Variants in FSTL4 observed in about 807,000 individuals in gnomAD.
The protein encoded by FSTL4 is follistatin-related protein 4.
A neutral mutation model predicts 78.2 loss-of-function variants in FSTL4; 28 were observed. The observed-to-expected ratio is 0.36, with a 90% CI of 0.27 to 0.49. FSTL4 has a LOEUF of 0.49. Ranked by LOEUF, FSTL4 falls within the 20% of genes least tolerant of loss-of-function variation. FSTL4 has a pLI of 0.98. For synonymous variants in FSTL4, 422 were observed against 440.5 expected (o/e 0.96, Z 0.53); for missense variants, 922 against 1,084.9 (o/e 0.85, Z 2.11).
the FSTL4 span, among the ~76,000 whole-genome samples, chr5:133,668,796 G>A: frequency 1.3e-5 from 2 of 152,158 alleles, no homozygotes; most frequent in African/African-American, 4.8e-5. Context: ...GAGATCAGAC[G>A]TCACCAAAAC....
chr5:133,637,952 T>A, the FSTL4 span, among the ~76,000 whole-genome samples: 2 of 115,090 alleles, frequency 1.7e-5, no homozygotes, highest in Admixed American at 9.9e-5. Context: ...AAAATAATAA[T>A]AATTAATAAT....
intron 3 of FSTL4, among the ~76,000 whole-genome samples, chr5:133,520,940 C>T (rs1156765793): frequency 6.6e-6 from 1 of 152,124 alleles, no homozygotes; most frequent in Non-Finnish European, 1.5e-5. Flanking sequence ...CTGCTGCTTC[C>T]TGAAGAAGCA....
chr5:133,316,895 C>G (rs1753918878), intron 4 of FSTL4, among the ~76,000 whole-genome samples: 1 of 152,284 alleles, frequency 6.6e-6, no homozygotes, highest in East Asian at 1.9e-4. Flanking sequence ...ATCTGTCCAT[C>G]TGACAAATAT....
At chr5:133,751,130 G>C in the FSTL4 span, among the ~76,000 whole-genome samples, 2 of 151,902 alleles carry the variant, frequency 1.3e-5, no homozygotes, top group Non-Finnish European at 2.9e-5. Context: ...AGCCCTCAGG[G>C]TTCTCCCCTA....
At chr5:133,251,797 T>C (rs1752250471) in intron 6 of FSTL4, among the ~76,000 whole-genome samples, 3 of 152,234 alleles carry the variant, frequency 2.0e-5, no homozygotes, top group African/African-American at 7.2e-5. Flanking sequence ...GAGAACTGCC[T>C]TGGGCTGCCA....
intron 3 of FSTL4, among the ~76,000 whole-genome samples, chr5:133,512,886 T>G (rs1167298144): frequency 6.6e-6 from 1 of 152,140 alleles, no homozygotes; most frequent in Non-Finnish European, 1.5e-5. Context: ...GGCGTGATCT[T>G]GGCTCACTGC....
the FSTL4 span, among the ~76,000 whole-genome samples, chr5:133,624,241 T>G: frequency 1.1e-4 from 16 of 152,004 alleles, no homozygotes; most frequent in Non-Finnish European, 2.2e-4. Context: ...TTGTGGTATA[T>G]GCATACAATG....
At chr5:133,379,515 C>T (rs1239429432) in intron 4 of FSTL4, among the ~76,000 whole-genome samples, 2 of 151,882 alleles carry the variant, frequency 1.3e-5, no homozygotes, top group African/African-American at 4.8e-5. Flanking sequence ...ATAGAAAGTT[C>T]AATAAATTTA....
chr5:133,290,138 C>T lies in FSTL4; in HGVS notation c.727+22516G>A, dbSNP rs1753225496. ...GTGCAGCACCAGCAGGGTGTGGCCC[C>T]TCGCAAAAGCAGCCTGATGATTAAT... On this transcript the variant is annotated intron_variant, in intron 6 of 15. Coordinates refer to ENST00000265342, the MANE Select transcript of FSTL4 (RefSeq NM_015082.2). 2.0e-5 allele frequency among the ~76,000 whole-genome samples: 3 copies of T among 152,214 alleles called. No homozygotes were observed. The South Asian group carries it at 6.2e-4, about 31-fold the overall frequency.
intron 3 of FSTL4, among the ~76,000 whole-genome samples, chr5:133,402,447 T>G (rs1226188463): frequency 2.0e-5 from 3 of 152,174 alleles, no homozygotes; most frequent in African/African-American, 7.2e-5. Context: ...TGAATACAGA[T>G]TTTTACAGCC....
At chr5:133,510,310 T>C (rs1225123553) in intron 3 of FSTL4, among the ~76,000 whole-genome samples, 1 of 152,180 alleles carries the variant, frequency 6.6e-6, no homozygotes, top group Non-Finnish European at 1.5e-5. Context: ...CTTGTTGGCA[T>C]CATATATTAA....
At chr5:133,345,473 T>A (rs1019526722) in intron 4 of FSTL4, among the ~76,000 whole-genome samples, 1 of 152,226 alleles carries the variant, frequency 6.6e-6, no homozygotes, top group African/African-American at 2.4e-5. Flanking sequence ...TTGCTTTTGG[T>A]GTTTTAGTCA....
At chr5:133,708,064 G>A in the FSTL4 span, among the ~76,000 whole-genome samples, 2 of 150,546 alleles carry the variant, frequency 1.3e-5, no homozygotes, top group Non-Finnish European at 3.0e-5. Context: ...AACTAGCTGT[G>A]GGGTAGAAAG....
chr5:133,681,331 G>A, the FSTL4 span, among the ~76,000 whole-genome samples: 14 of 152,208 alleles, frequency 9.2e-5, no homozygotes, highest in Non-Finnish European at 1.8e-4. Flanking sequence ...CTGCCACACG[G>A]GCATATGCGC....
At chr5:133,705,797 G>A in the FSTL4 span, among the ~76,000 whole-genome samples, 1 of 151,746 alleles carries the variant, frequency 6.6e-6, no homozygotes, top group Non-Finnish European at 1.5e-5. Context: ...ACATTATTCA[G>A]GATCCAAATC....
At chr5:133,657,759 G>GT in the FSTL4 span, among the ~76,000 whole-genome samples, 401 of 111,660 alleles carry the variant, frequency 3.6e-3, 8 homozygotes, top group South Asian at 6.8e-3. Context: ...CTAGCTTACT[G>GT]TTTTTTGTTT....
chr5:133,670,866 T>C, the FSTL4 span, among the ~76,000 whole-genome samples: 1 of 152,182 alleles, frequency 6.6e-6, no homozygotes, highest in Non-Finnish European at 1.5e-5. Flanking sequence ...GGTATACTGG[T>C]TGTACAAATG....
the FSTL4 span, among the ~76,000 whole-genome samples, chr5:133,806,205 G>A: frequency 6.6e-6 from 1 of 152,116 alleles, no homozygotes; most frequent in African/African-American, 2.4e-5. Flanking sequence ...GAAATCTAAT[G>A]GAGTCGTTCT....
At chr5:133,553,802 A>C (rs1357044045) in intron 3 of FSTL4, among the ~76,000 whole-genome samples, 1 of 152,246 alleles carries the variant, frequency 6.6e-6, no homozygotes, top group Non-Finnish European at 1.5e-5. Flanking sequence ...TCAGTTAGCC[A>C]GGACCCCCAT....
Sources: allele counts gnomAD v4.1 joint callset (sites outside exome capture counted in the v4.1 genomes callset), GRCh38; gene constraint gnomAD v4.1.1; transcripts MANE v1.5; gene names NCBI Gene and HGNC (gene_info 2026-07-23, HGNC 2026-07-21).